The following RABL2A variants were observed in gnomAD, a reference collection of about 807,000 sequenced individuals.
RABL2A encodes RAB, member of RAS oncogene family like 2A, also known as rab-like protein 2A.
RABL2A carries 17 observed loss-of-function variants against 30.7 expected under a neutral mutation model. That is an observed-to-expected ratio of 0.55 (90% confidence interval 0.38 to 0.83). The LOEUF (loss-of-function observed/expected upper bound fraction) is 0.83, where lower values mean the gene tolerates loss of function less well. RABL2A is among the 40% of genes least tolerant of loss of function. RABL2A has a pLI of 0.00. For synonymous variants in RABL2A, 64 were observed against 101.8 expected, an observed-to-expected ratio of 0.63 and a Z score of 2.24; for missense variants, 155 against 272.6, an observed-to-expected ratio of 0.57 and a Z score of 3.04.
rs201455591 is a variant in RABL2A at position 113,635,090 on chromosome 2, T to C, written c.257T>C (p.Met86Thr). 46 of 1,614,200 alleles carry C rather than the reference T, an allele frequency of 2.8e-5. No homozygotes were observed. In the Middle Eastern group the frequency reaches 4.9e-4, roughly 17 times the overall value. The change falls in exon 5 of 9, where the codon ATG becomes ACG. Residue 86 changes from methionine to threonine, a missense_variant. By Grantham distance (81) the Met-to-Thr change is moderately conservative. Transcript: ENST00000683472. ...DTAGQERFQS[M>T]HASYYHKAHA... Reference sequence around the variant, plus strand: ...GCAGGCCAGGAGCGGTTCCAGAGCATGCATGCCTCCTACTACCACAAGGCC... The same window carrying C: ...GCAGGCCAGGAGCGGTTCCAGAGCACGCATGCCTCCTACTACCACAAGGCC...
chr2:113,628,171 A>G (rs1678848231), intron 1 of RABL2A, among the ~76,000 whole-genome samples: 1 of 150,698 alleles, frequency 6.6e-6, no homozygotes, highest in African/African-American at 2.5e-5. Context: ...TCATCATATC[A>G]TTTCTATGTG....
chr2:113,635,221 T>C (rs1428663723), intron 5 of RABL2A, 91 bp downstream of exon 5: 2 of 1,354,796 alleles, frequency 1.5e-6, no homozygotes, highest in African/African-American at 2.9e-5. Flanking sequence ...TGTAACCAAG[T>C]CTGGGTGTTG....
intron 5 of RABL2A, chr2:113,637,972 A>C: frequency 1.0e-6 from 1 of 985,274 alleles, no homozygotes; most frequent in Non-Finnish European, 1.2e-6. Flanking sequence ...TTCTGACCAC[A>C]CGGGGAGCTG....
At chr2:113,631,136 C>T (rs1253527015) in intron 2 of RABL2A, among the ~76,000 whole-genome samples, 1 of 152,270 alleles carries the variant, frequency 6.6e-6, no homozygotes, top group East Asian at 1.9e-4. Context: ...CTCAAGTGAT[C>T]TGTCTGCCTT....
intron 3 of RABL2A, chr2:113,633,604 C>A (rs551545477): frequency 4.3e-4 from 81 of 187,428 alleles, no homozygotes; most frequent in Admixed American, 9.1e-4. Flanking sequence ...AGCCCACCTG[C>A]GTCATTTGGC....
At chr2:113,638,849 G>T (rs1191127359) in intron 5 of RABL2A, among the ~76,000 whole-genome samples, 5 of 151,820 alleles carry the variant, frequency 3.3e-5, no homozygotes, top group Non-Finnish European at 7.4e-5. Context: ...CCAAGATACC[G>T]CCACTGCACT....
In RABL2A at chr2:113,637,346, T is replaced by C; in HGVS notation, c.297+2216T>C. The C allele has an allele frequency of 4.0e-6, 4 of 1,004,634 alleles. No individual in the cohort carries two copies. The South Asian group carries it at 1.7e-4, about 43-fold the overall frequency. 62.2% of individuals were successfully genotyped at this position (1,004,634 alleles called of 1,614,324 possible). A position where few individuals can be genotyped will look rare whatever the true frequency, so the allele number is the denominator to read the frequency against. ...TCCGTGCAGCCTCCTCTGATGTTTG[T>C]CATTAGCTTAGCTCTTCCGTGTGTG... On this transcript the variant is annotated intron_variant, in intron 5 of 8. Coordinates refer to ENST00000683472, the MANE Select transcript of RABL2A (RefSeq NM_001306158.2).
chr2:113,641,905 C>T, intron 8 of RABL2A, 41 bp downstream of exon 8: 2 of 1,405,570 alleles, frequency 1.4e-6, no homozygotes, highest in South Asian at 1.4e-5. Context: ...GAAGAAACGG[C>T]TCCTCTTCAG....
chr2:113,633,122 G>A, intron 3 of RABL2A, 178 bp downstream of exon 3: 1 of 853,944 alleles, frequency 1.2e-6, no homozygotes, highest in East Asian at 2.6e-5. Flanking sequence ...ACATGGCATT[G>A]CACAATCAGT....
At chr2:113,639,153 G>C (rs1245706247) in intron 5 of RABL2A, among the ~76,000 whole-genome samples, 1 of 151,840 alleles carries the variant, frequency 6.6e-6, no homozygotes. Flanking sequence ...CAGGCATGGT[G>C]GCATGTGCCT....
intron 2 of RABL2A, among the ~76,000 whole-genome samples, chr2:113,631,501 T>G (rs937088072): frequency 3.4e-4 from 52 of 152,276 alleles, no homozygotes; most frequent in African/African-American, 1.1e-3. Context: ...GACCAGTGCC[T>G]ACTCTAAATA....
chr2:113,634,848 A>T (rs935029961), intron 4 of RABL2A, among the ~76,000 whole-genome samples: 1 of 152,158 alleles, frequency 6.6e-6, no homozygotes. Flanking sequence ...CCATACACAC[A>T]GGTGAAGACA....
At position 113,640,844 on chromosome 2, in the gene RABL2A, G is replaced by A. The variant is rs775546734; in HGVS notation, c.298-50G>A. The A allele has an allele frequency of 3.7e-6, 6 of 1,610,106 alleles. No individual in the cohort carries two copies. The African/African-American group carries it at 6.7e-5, about 18-fold the overall frequency. On this transcript the variant is annotated intron_variant, in intron 5 of 8. Transcript: ENST00000683472. ...TGTGTGAGTCACCTGGAGATGGGGTGCAGAAACATTGACATACCTGAGCTA... is the reference window on the plus strand; with the variant it reads ...TGTGTGAGTCACCTGGAGATGGGGTACAGAAACATTGACATACCTGAGCTA...
intron 2 of RABL2A, among the ~76,000 whole-genome samples, chr2:113,630,103 C>A (rs1679752241): frequency 6.6e-6 from 1 of 152,094 alleles, no homozygotes; most frequent in African/African-American, 2.4e-5. Flanking sequence ...TGCCTCATTT[C>A]AAACAGTAAC....
chr2:113,634,879 G>A, intron 4 of RABL2A, 172 bp from the exon 5 acceptor site: 1 of 849,276 alleles, frequency 1.2e-6, no homozygotes, highest in South Asian at 1.5e-5. Flanking sequence ...ATCACACTCA[G>A]GTGCACTGTG....
At position 113,631,883 on chromosome 2, in the gene RABL2A, A is replaced by G. The variant is rs2592675; in HGVS notation, c.108-1032A>G. 2.5e-3 allele frequency among the ~76,000 whole-genome samples: 374 copies of G among 150,820 alleles called. 1 individual carries two copies. Among genetic ancestry groups the G allele is most frequent in the African/African-American group, 8.5e-3 (345 of 40,540 alleles). On this transcript the variant is annotated intron_variant, in intron 2 of 8. Coordinates refer to ENST00000683472, the MANE Select transcript of RABL2A (RefSeq NM_001306158.2). ...TCATTGACCATCTTAACCTCTGGCC[A>G]CGGTAATTTCTTTGTGTAATTTTCT...
chr2:113,640,008 A>T (rs1410065730), intron 5 of RABL2A: 9 of 152,178 alleles, frequency 5.9e-5, no homozygotes, highest in African/African-American at 1.7e-4. Context: ...AAAATAATAA[A>T]AAAATAAAAA....
chr2:113,632,454 C>A (rs1266841017), intron 2 of RABL2A, among the ~76,000 whole-genome samples: 2 of 152,228 alleles, frequency 1.3e-5, no homozygotes, highest in Non-Finnish European at 2.9e-5. Context: ...TGTCGCCACA[C>A]CTGGCTAATT....
Position 113,641,174 on chromosome 2 carries a change from A to G in RABL2A, c.409+169A>G, listed in dbSNP as rs1195375789. ...ATTCTTCCCACCTTATAAAGAAGCCAGCTAAGCCGACCTGCCCTCTTTCCA... is the reference window on the plus strand; with the variant it reads ...ATTCTTCCCACCTTATAAAGAAGCCGGCTAAGCCGACCTGCCCTCTTTCCA... On this transcript the variant is annotated intron_variant, in intron 6 of 8. Transcript: ENST00000683472. The G allele has an allele frequency of 4.0e-6, 4 of 989,138 alleles. No individual in the cohort carries two copies. In the Admixed American group the frequency reaches 1.1e-4, roughly 27 times the overall value. 61.3% of individuals were successfully genotyped at this position (989,138 alleles called of 1,614,324 possible).
Sources: gnomAD v4.1 joint callset for allele counts (sites outside exome capture counted in the v4.1 genomes callset) on GRCh38, gnomAD v4.1.1 for gene constraint, MANE v1.5 for transcripts, NCBI Gene and HGNC (gene_info 2026-07-23, HGNC 2026-07-21) for gene names.